AGBL4: variants seen among roughly 807,000 people sequenced by gnomAD.
The protein encoded by AGBL4 is cytosolic carboxypeptidase 6.
AGBL4 carries 58 observed loss-of-function variants against 66.4 expected under a neutral mutation model. The observed-to-expected ratio is 0.87, with a 90% confidence interval of 0.71 to 1.09. The LOEUF (loss-of-function observed/expected upper bound fraction) is 1.09. Among genes scored for constraint, AGBL4 ranks in the 50% least tolerant of loss-of-function variants. The pLI is 0.00. For missense variants in AGBL4, 579 were observed against 631.0 expected (o/e 0.92, Z 0.88); for synonymous variants, 234 against 222.9 (o/e 1.05, Z -0.44).
intron 4 of AGBL4, among the ~76,000 whole-genome samples, chr1:49,070,695 T>C (rs1184266250): frequency 1.3e-5 from 2 of 151,968 alleles, no homozygotes; most frequent in Admixed American, 6.5e-5. Context: ...AAAATGTTCT[T>C]TTTTTGTTGT....
intron 4 of AGBL4, among the ~76,000 whole-genome samples, chr1:49,145,663 A>G (rs1557678357): frequency 6.6e-6 from 1 of 152,190 alleles, no homozygotes; most frequent in Admixed American, 6.5e-5. Flanking sequence ...GTTTCCAACC[A>G]CAGTGAGTAA....
chr1:49,455,594 A>G (rs1435939427), intron 3 of AGBL4, among the ~76,000 whole-genome samples: 1 of 151,650 alleles, frequency 6.6e-6, no homozygotes, highest in Non-Finnish European at 1.5e-5. Flanking sequence ...GAATGCTGAA[A>G]CAGTCCCCAA....
intron 4 of AGBL4, among the ~76,000 whole-genome samples, chr1:49,119,651 G>T (rs1645609724): frequency 6.6e-6 from 1 of 152,164 alleles, no homozygotes; most frequent in Non-Finnish European, 1.5e-5. Context: ...GTGTTATGTG[G>T]TGCTGAGAAG....
chr1:49,485,114 C>T (rs1647037256), intron 3 of AGBL4, among the ~76,000 whole-genome samples: 1 of 151,792 alleles, frequency 6.6e-6, no homozygotes, highest in African/African-American at 2.4e-5. Flanking sequence ...TGGGTATATA[C>T]CCAAAGGATT....
At chr1:48,578,151 TA>T (rs1283946519) in intron 11 of AGBL4, among the ~76,000 whole-genome samples, 2 of 152,180 alleles carry the variant, frequency 1.3e-5, no homozygotes, top group Non-Finnish European at 2.9e-5. Flanking sequence ...TCTTCTATGC[TA>T]AAGATAGGAA....
chr1:48,536,966 C>T (rs889784399), intron 12 of AGBL4, among the ~76,000 whole-genome samples: 7 of 152,190 alleles, frequency 4.6e-5, no homozygotes, highest in African/African-American at 1.7e-4. Flanking sequence ...TCCAATGATG[C>T]CGGCAGGCTT....
At chr1:49,330,801 C>T (rs1037342338) in intron 3 of AGBL4, among the ~76,000 whole-genome samples, 2 of 152,260 alleles carry the variant, frequency 1.3e-5, no homozygotes. Context: ...GAAGCAGCTG[C>T]TATGGGTGGC....
intron 3 of AGBL4, among the ~76,000 whole-genome samples, chr1:49,431,811 A>G (rs1213388027): frequency 6.6e-6 from 1 of 152,190 alleles, no homozygotes; most frequent in Non-Finnish European, 1.5e-5. Flanking sequence ...GAAAATATGT[A>G]GGATAAAGAA....
At chr1:48,750,604 G>C (rs1425152643) in intron 6 of AGBL4, among the ~76,000 whole-genome samples, 1 of 152,208 alleles carries the variant, frequency 6.6e-6, no homozygotes, top group African/African-American at 2.4e-5. Context: ...AAGGTGGCAA[G>C]GGGGGCTTAA....
At chr1:49,902,608 G>A (rs768233069) in intron 1 of AGBL4, among the ~76,000 whole-genome samples, 5 of 152,116 alleles carry the variant, frequency 3.3e-5, no homozygotes, top group Non-Finnish European at 5.9e-5. Context: ...TTAGCTGGGC[G>A]TGGTGGCACA....
Position 48,676,239 on chromosome 1 carries a change from C to G in AGBL4, c.635-12998G>C, listed in dbSNP as rs114650279. On this transcript the variant is annotated intron_variant, in intron 6 of 13. Transcript: ENST00000371839. ...TTTCAGAAACCTTCAGTCCTACCTT[C>G]CACCTTCTGGCAGAGCCATTCATTT... Among the ~76,000 whole-genome samples, 324 of 152,360 alleles carry G rather than the reference C, an allele frequency of 2.1e-3. 1 individual carries two copies. Among genetic ancestry groups the G allele is most frequent in the Non-Finnish European group, 3.9e-3 (265 of 68,028 alleles).
chr1:49,010,315 CT>C (rs1433731634), intron 5 of AGBL4, among the ~76,000 whole-genome samples: 1 of 134,346 alleles, frequency 7.4e-6, no homozygotes, highest in Non-Finnish European at 1.6e-5. Flanking sequence ...AGGAATCCAA[CT>C]TACAAGGGAT....
chr1:49,900,257 T>C (rs1649640349), intron 1 of AGBL4, among the ~76,000 whole-genome samples: 1 of 152,210 alleles, frequency 6.6e-6, no homozygotes, highest in South Asian at 2.1e-4. Context: ...TATTTTTTTA[T>C]TTTTTGAGAC....
chr1:49,331,931 G>A lies in AGBL4; in HGVS notation c.283-86067C>T, dbSNP rs147628508. 2.6e-5 allele frequency among the ~76,000 whole-genome samples: 4 copies of A among 152,252 alleles called. No homozygotes were observed. In the East Asian group the frequency reaches 7.7e-4, roughly 29 times the overall value. ...TGATCTCTCCCTGGGAAGGAGTTCC[G>A]GCGGGGAGGAGGAGGCCACCACCTT... On this transcript the variant is annotated intron_variant, in intron 3 of 13. Coordinates refer to ENST00000371839, the MANE Select transcript of AGBL4 (RefSeq NM_032785.4).
intron 2 of AGBL4, among the ~76,000 whole-genome samples, chr1:49,712,092 T>C (rs1336373957): frequency 6.6e-6 from 1 of 151,978 alleles, no homozygotes; most frequent in Non-Finnish European, 1.5e-5. Context: ...TAAATTATAG[T>C]TATGCCATAT....
At chr1:48,713,180 T>G (rs1021439290) in intron 6 of AGBL4, among the ~76,000 whole-genome samples, 1 of 152,094 alleles carries the variant, frequency 6.6e-6, no homozygotes, top group African/African-American at 2.4e-5. Context: ...CAAAGAGAAT[T>G]CAGCAAAGTG....
intron 3 of AGBL4, among the ~76,000 whole-genome samples, chr1:49,644,926 G>T (rs1008023491): frequency 2.0e-5 from 3 of 151,400 alleles, no homozygotes; most frequent in Non-Finnish European, 4.4e-5. Context: ...CAAGAAACAT[G>T]TTCTTTAATT....
intron 4 of AGBL4, among the ~76,000 whole-genome samples, chr1:49,225,094 C>T (rs1649808987): frequency 6.6e-6 from 1 of 152,180 alleles, no homozygotes; most frequent in South Asian, 2.1e-4. Context: ...CCGTAAGACT[C>T]ATTATTGACT....
chr1:49,873,855 A>G (rs1016784601), intron 1 of AGBL4, among the ~76,000 whole-genome samples: 4 of 152,140 alleles, frequency 2.6e-5, no homozygotes, highest in Non-Finnish European at 5.9e-5. Flanking sequence ...ACAAACAAAT[A>G]CCAGCAAGAT....
Sources: allele counts gnomAD v4.1 joint callset (sites outside exome capture counted in the v4.1 genomes callset), GRCh38; gene constraint gnomAD v4.1.1; transcripts MANE v1.5; gene names NCBI Gene and HGNC (gene_info 2026-07-23, HGNC 2026-07-21).